AGBL4: variants seen among roughly 807,000 people sequenced by gnomAD.
AGBL4 encodes cytosolic carboxypeptidase 6.
Under a neutral mutation model 66.4 loss-of-function variants are expected in AGBL4, and 58 were observed. The observed-to-expected ratio is 0.87, with a 90% CI of 0.71 to 1.09. AGBL4 has a LOEUF of 1.09. Among genes scored for constraint, AGBL4 ranks in the 50% least tolerant of loss-of-function variants. AGBL4 has a pLI of 0.00. For synonymous variants in AGBL4, 234 were observed against 222.9 expected, an observed-to-expected ratio of 1.05 and a Z score of -0.44; for missense variants, 579 against 631.0, an observed-to-expected ratio of 0.92 and a Z score of 0.88.
chr1:49,484,593 C>T (rs1647024948), intron 3 of AGBL4, among the ~76,000 whole-genome samples: 1 of 151,826 alleles, frequency 6.6e-6, no homozygotes, highest in African/African-American at 2.4e-5. Context: ...GGATGATTAT[C>T]AGAGGCTGGA....
At chr1:49,915,306 G>A (rs1651306543) in intron 1 of AGBL4, among the ~76,000 whole-genome samples, 1 of 152,142 alleles carries the variant, frequency 6.6e-6, no homozygotes, top group South Asian at 2.1e-4. Flanking sequence ...CCCAGGAAGT[G>A]CAAGGGGTCA....
chr1:49,556,496 T>G (rs1011423446), intron 3 of AGBL4, among the ~76,000 whole-genome samples: 6 of 140,496 alleles, frequency 4.3e-5, no homozygotes, highest in African/African-American at 1.6e-4. Flanking sequence ...ACCCTAGAAC[T>G]TAAAGTATAA....
chr1:48,973,632 C>G (rs1332289887), intron 5 of AGBL4, among the ~76,000 whole-genome samples: 1 of 152,160 alleles, frequency 6.6e-6, no homozygotes, highest in African/African-American at 2.4e-5. Flanking sequence ...AGGCAGCAAA[C>G]TGGCATCCCT....
intron 3 of AGBL4, among the ~76,000 whole-genome samples, chr1:49,319,002 C>T (rs1049794127): frequency 1.9e-4 from 29 of 152,144 alleles, no homozygotes; most frequent in Middle Eastern, 3.2e-3. Flanking sequence ...TATGACAACA[C>T]TTCACCTGCT....
intron 4 of AGBL4, among the ~76,000 whole-genome samples, chr1:49,050,861 G>A (rs75592992): frequency 7.2e-5 from 11 of 152,032 alleles, no homozygotes; most frequent in Non-Finnish European, 1.5e-4. Context: ...GGAGCTCAAC[G>A]TATTTTGTTA....
intron 3 of AGBL4, among the ~76,000 whole-genome samples, chr1:49,579,097 T>C (rs749987645): frequency 9.2e-5 from 14 of 152,226 alleles, no homozygotes; most frequent in Non-Finnish European, 1.9e-4. Context: ...CCTTGAACAT[T>C]GGACTCCAGG....
chr1:49,494,581 A>G (rs565745576), intron 3 of AGBL4, among the ~76,000 whole-genome samples: 2 of 152,076 alleles, frequency 1.3e-5, no homozygotes, highest in Admixed American at 6.5e-5. Flanking sequence ...AATTTCATCC[A>G]TGTCCCTACA....
intron 6 of AGBL4, among the ~76,000 whole-genome samples, chr1:48,706,693 G>A (rs745626342): frequency 4.6e-5 from 7 of 152,116 alleles, no homozygotes; most frequent in Admixed American, 6.5e-5. Flanking sequence ...TAAATTTGAC[G>A]ACAAAATCCA....
chr1:49,059,458 G>A (rs1163800579), intron 4 of AGBL4, among the ~76,000 whole-genome samples: 1 of 152,264 alleles, frequency 6.6e-6, no homozygotes, highest in Non-Finnish European at 1.5e-5. Context: ...TACAGGGGCA[G>A]AGCCCTCACG....
Position 49,827,230 on chromosome 1 carries a change from A to G in AGBL4, c.157+24166T>C, listed in dbSNP as rs907670540. On this transcript the variant is annotated intron_variant, in intron 2 of 13. Coordinates refer to ENST00000371839, the MANE Select transcript of AGBL4 (RefSeq NM_032785.4). ...TATCAGTAGCAATGAAATTTCAGGG[A>G]GCTGGGGGAGTAGGAAAAAATACCC... 2.6e-4 allele frequency among the ~76,000 whole-genome samples: 39 copies of G among 152,084 alleles called. 2 individuals carry two copies. Among genetic ancestry groups the G allele is most frequent in the Admixed American group, 1.4e-3 (22 of 15,246 alleles).
At chr1:49,247,984 T>C (rs1228882159) in intron 3 of AGBL4, among the ~76,000 whole-genome samples, 2 of 152,172 alleles carry the variant, frequency 1.3e-5, no homozygotes, top group African/African-American at 4.8e-5. Context: ...ACCTTCTCTA[T>C]AATATTACAT....
chr1:49,792,141 TG>T lies in AGBL4; in HGVS notation c.157+59254del, dbSNP rs538602342. On this transcript the variant is annotated intron_variant, in intron 2 of 13. Coordinates refer to ENST00000371839, the MANE Select transcript of AGBL4 (RefSeq NM_032785.4). ...ACTTGTCTTCCTTTTTATAATATGG[TG>T]GTATTACATCACAAAGTAACAAGAG... 1.0e-3 allele frequency among the ~76,000 whole-genome samples: 155 copies of T among 152,218 alleles called. 1 individual carries two copies. The highest frequency in any genetic ancestry group is 0.01 in the Admixed American group (155 of 15,280).
chr1:49,656,169 G>C (rs1213706296), intron 3 of AGBL4, among the ~76,000 whole-genome samples: 1 of 151,702 alleles, frequency 6.6e-6, no homozygotes, highest in African/African-American at 2.4e-5. Flanking sequence ...AATGATAAAG[G>C]GGATCCCACC....
chr1:48,558,541 G>T (rs1483097198), intron 11 of AGBL4, among the ~76,000 whole-genome samples: 1 of 152,158 alleles, frequency 6.6e-6, no homozygotes, highest in Non-Finnish European at 1.5e-5. Flanking sequence ...AGTGACGTAT[G>T]GCATATGGCC....
chr1:49,279,496 C>A (rs546685902), intron 3 of AGBL4, among the ~76,000 whole-genome samples: 1 of 151,970 alleles, frequency 6.6e-6, no homozygotes, highest in African/African-American at 2.4e-5. Flanking sequence ...TGGGAAAATG[C>A]CTGTCTTTGG....
chr1:48,823,185 A>G (rs183051653), intron 6 of AGBL4, among the ~76,000 whole-genome samples: 14 of 152,344 alleles, frequency 9.2e-5, no homozygotes, highest in African/African-American at 3.4e-4. Flanking sequence ...TCCTTCTAAT[A>G]GTGTGTTTTA....
chr1:49,915,348 T>C (rs1339181354), intron 1 of AGBL4, among the ~76,000 whole-genome samples: 3 of 152,094 alleles, frequency 2.0e-5, no homozygotes, highest in African/African-American at 4.8e-5. Flanking sequence ...AGGGAAGCCA[T>C]GACAGACAGC....
chr1:48,776,657 G>A lies in AGBL4; in HGVS notation c.634+90534C>T, dbSNP rs1467358732. ...TGGAGCAACAGCGCGCCCCAGTCGC[G>A]GGGGGCGCGCGGGGGGCTCTCGGGC... is the stretch of plus-strand genomic sequence containing the variant. On this transcript the variant is annotated intron_variant, in intron 6 of 13. Coordinates refer to ENST00000371839, the MANE Select transcript of AGBL4 (RefSeq NM_032785.4). 4 of 1,492,464 alleles carry A rather than the reference G, an allele frequency of 2.7e-6. No individual in the cohort carries two copies. The East Asian group carries it at 8.7e-5, about 32-fold the overall frequency. The allele number at this position is 1,492,464 out of a possible 1,614,324, so 92.5% of individuals were successfully genotyped here.
intron 6 of AGBL4, among the ~76,000 whole-genome samples, chr1:48,714,767 C>A (rs550760686): frequency 6.6e-6 from 1 of 152,206 alleles, no homozygotes; most frequent in Non-Finnish European, 1.5e-5. Context: ...GTCCTAGCCC[C>A]GACCACCTGT....
Sources: gnomAD v4.1 joint callset for allele counts (sites outside exome capture counted in the v4.1 genomes callset) on GRCh38, gnomAD v4.1.1 for gene constraint, MANE v1.5 for transcripts, NCBI Gene and HGNC (gene_info 2026-07-23, HGNC 2026-07-21) for gene names.